The following RUNX1 variants were observed in gnomAD, a reference collection of about 807,000 sequenced individuals.
The protein encoded by RUNX1 is runt-related transcription factor 1.
A neutral mutation model predicts 42.8 loss-of-function variants in RUNX1; 19 were observed. The observed-to-expected ratio is 0.44, with a 90% CI of 0.31 to 0.65. The LOEUF (loss-of-function observed/expected upper bound fraction) is 0.65, where lower values mean the gene tolerates loss of function less well. RUNX1 is among the 30% of genes least tolerant of loss of function. RUNX1 has a pLI of 0.07. For missense variants in RUNX1, 528 were observed against 672.0 expected, an observed-to-expected ratio of 0.79 and a Z score of 2.37; for synonymous variants, 271 against 289.4, an observed-to-expected ratio of 0.94 and a Z score of 0.64.
intron 2 of RUNX1, among the ~76,000 whole-genome samples, chr21:34,978,436 C>T (rs2058820104): frequency 6.6e-6 from 1 of 152,024 alleles, no homozygotes; most frequent in South Asian, 2.1e-4. Flanking sequence ...TTTTACTGTC[C>T]TCAGGAATGT....
intron 5 of RUNX1, among the ~76,000 whole-genome samples, chr21:34,876,583 T>C (rs2057817949): frequency 6.6e-6 from 1 of 152,134 alleles, no homozygotes; most frequent in East Asian, 1.9e-4. Flanking sequence ...TTTTTGTCCT[T>C]GGAAAAAGCC....
At chr21:35,027,970 T>C (rs904646182) in intron 2 of RUNX1, among the ~76,000 whole-genome samples, 2 of 152,196 alleles carry the variant, frequency 1.3e-5, no homozygotes, top group African/African-American at 4.8e-5. Flanking sequence ...AGTAGTAGTA[T>C]CTGAGAACTG....
At chr21:34,980,345 AG>A in intron 2 of RUNX1, among the ~76,000 whole-genome samples, 1 of 152,358 alleles carries the variant, frequency 6.6e-6, no homozygotes, top group East Asian at 1.9e-4. Context: ...AAGCCAGGCC[AG>A]TATGGGTCAC....
intron 2 of RUNX1, among the ~76,000 whole-genome samples, chr21:34,924,066 G>A (rs897037549): frequency 7.3e-6 from 1 of 137,408 alleles, no homozygotes; most frequent in African/African-American, 2.6e-5. Context: ...TCACAAGTTG[G>A]GGCCTTTACT....
At position 34,892,975 on chromosome 21, in the gene RUNX1, G is replaced by T. The variant is rs202245096; in HGVS notation, c.59-12C>A. 9.0e-6 allele frequency: 14 copies of T among 1,552,430 alleles called. 1 individual carries two copies. The East Asian group carries it at 3.1e-4, about 35-fold the overall frequency. Reference sequence around the variant, plus strand: ...TCCAAGTATGCATTCTGAAATAACAGAAAGTAGGAAAATAAAAGTAATGCA... The same window carrying T: ...TCCAAGTATGCATTCTGAAATAACATAAAGTAGGAAAATAAAAGTAATGCA... On this transcript the variant is annotated splice_polypyrimidine_tract_variant and intron_variant, in intron 2 of 8. Transcript: ENST00000675419.
intron 2 of RUNX1, among the ~76,000 whole-genome samples, chr21:34,945,481 C>CT (rs1226347609): frequency 6.6e-6 from 1 of 152,202 alleles, no homozygotes; most frequent in Non-Finnish European, 1.5e-5. Flanking sequence ...CAAATTCTCA[C>CT]TATCTTCCAC....
chr21:34,890,534 C>T (rs575244992), intron 3 of RUNX1, among the ~76,000 whole-genome samples: 69 of 152,126 alleles, frequency 4.5e-4, no homozygotes, highest in African/African-American at 1.6e-3. Flanking sequence ...GCTATCTGTG[C>T]TTCAGGAGCC....
chr21:34,983,366 T>C (rs2058861534), intron 2 of RUNX1, among the ~76,000 whole-genome samples: 1 of 152,234 alleles, frequency 6.6e-6, no homozygotes, highest in Admixed American at 6.5e-5. Context: ...GAAGAAAAGC[T>C]ACTTAAATTT....
chr21:34,859,367 T>A (rs2057538456), intron 6 of RUNX1, 107 bp downstream of exon 6: 3 of 945,854 alleles, frequency 3.2e-6, no homozygotes, highest in Non-Finnish European at 5.2e-6. Context: ...GACATCCCCC[T>A]GGGGGAAAGG....
intron 6 of RUNX1, among the ~76,000 whole-genome samples, chr21:34,844,206 G>C (rs1217726474): frequency 3.9e-5 from 6 of 152,230 alleles, no homozygotes; most frequent in African/African-American, 1.4e-4. Flanking sequence ...ACTTGCAGAA[G>C]AGAAAGAAAG....
At chr21:34,996,214 C>A (rs2058994027) in intron 2 of RUNX1, among the ~76,000 whole-genome samples, 3 of 152,096 alleles carry the variant, frequency 2.0e-5, no homozygotes, top group Admixed American at 2.0e-4. Context: ...GTCAGGCCTG[C>A]CTAAACCAGG....
intron 5 of RUNX1, among the ~76,000 whole-genome samples, chr21:34,878,813 T>A (rs754077541): frequency 3.9e-5 from 6 of 152,238 alleles, no homozygotes; most frequent in African/African-American, 4.8e-5. Context: ...CTCATTTTTT[T>A]ATTATCACTG....
intron 2 of RUNX1, among the ~76,000 whole-genome samples, chr21:34,920,618 T>C (rs1247941945): frequency 3.3e-5 from 5 of 152,196 alleles, no homozygotes; most frequent in Non-Finnish European, 5.9e-5. Context: ...AACTTTTCAG[T>C]TCCTTACATA....
At chr21:34,860,812 A>G (rs1032333135) in intron 5 of RUNX1, among the ~76,000 whole-genome samples, 7 of 152,338 alleles carry the variant, frequency 4.6e-5, no homozygotes, top group Non-Finnish European at 7.3e-5. Flanking sequence ...AAGGAAGGCC[A>G]CAGAAAAATG....
intron 2 of RUNX1, among the ~76,000 whole-genome samples, chr21:34,918,557 C>T (rs1161811862): frequency 6.6e-6 from 1 of 152,138 alleles, no homozygotes; most frequent in African/African-American, 2.4e-5. Context: ...AATATCATGG[C>T]TTTGAAATCC....
At chr21:34,966,350 T>C (rs1254905922) in intron 2 of RUNX1, among the ~76,000 whole-genome samples, 1 of 152,252 alleles carries the variant, frequency 6.6e-6, no homozygotes, top group East Asian at 1.9e-4. Flanking sequence ...GTGCATTCTA[T>C]GGATCAATTT....
At chr21:35,025,577 T>C (rs576796535) in intron 2 of RUNX1, among the ~76,000 whole-genome samples, 2 of 152,330 alleles carry the variant, frequency 1.3e-5, no homozygotes, top group African/African-American at 4.8e-5. Context: ...CTCCTTTATG[T>C]CACCATAAAG....
At chr21:34,850,178 T>G (rs1285290620) in intron 6 of RUNX1, among the ~76,000 whole-genome samples, 1 of 152,230 alleles carries the variant, frequency 6.6e-6, no homozygotes, top group African/African-American at 2.4e-5. Context: ...TGGGATGCTG[T>G]GACTGCCAAC....
At chr21:34,968,153 G>A (rs1264348986) in intron 2 of RUNX1, among the ~76,000 whole-genome samples, 1 of 152,198 alleles carries the variant, frequency 6.6e-6, no homozygotes, top group Non-Finnish European at 1.5e-5. Flanking sequence ...GTCCATCTGT[G>A]TGTCTATGTC....
Sources: gnomAD v4.1 joint callset for allele counts (sites outside exome capture counted in the v4.1 genomes callset) on GRCh38, gnomAD v4.1.1 for gene constraint, MANE v1.5 for transcripts, NCBI Gene and HGNC (gene_info 2026-07-23, HGNC 2026-07-21) for gene names.